PELI2: variants seen among roughly 807,000 people sequenced by gnomAD.
PELI2 encodes the protein E3 ubiquitin-protein ligase pellino homolog 2.
In PELI2, 23 loss-of-function variants were observed where a neutral mutation model predicts 42.3. The ratio of observed to expected loss-of-function variants is 0.54; its 90% CI spans 0.39 to 0.77. The LOEUF is 0.77. Ranked by LOEUF, PELI2 falls within the 30% of genes least tolerant of loss-of-function variation. The probability of loss-of-function intolerance (pLI) is 0.00; values close to 1 mark genes in which losing one functional copy is unlikely to be tolerated. For synonymous variants in PELI2, 245 were observed against 212.2 expected (o/e 1.15, Z -1.34); for missense variants, 463 against 553.2 (o/e 0.84, Z 1.64).
chr14:56,211,310 T>C (rs1052805237), intron 2 of PELI2, among the ~76,000 whole-genome samples: 23 of 152,198 alleles, frequency 1.5e-4, no homozygotes, highest in African/African-American at 5.5e-4. Flanking sequence ...AAGATGATTG[T>C]TTTCTTCTGG....
At chr14:56,253,361 C>G (rs1348726487) in intron 2 of PELI2, among the ~76,000 whole-genome samples, 1 of 152,064 alleles carries the variant, frequency 6.6e-6, no homozygotes, top group Non-Finnish European at 1.5e-5. Flanking sequence ...GGCAATCAGG[C>G]AAGATAAAGA....
At chr14:56,209,832 A>C (rs1886649634) in intron 2 of PELI2, among the ~76,000 whole-genome samples, 1 of 152,244 alleles carries the variant, frequency 6.6e-6, no homozygotes, top group South Asian at 2.1e-4. Flanking sequence ...GGCCCTCACT[A>C]ACTCTTAGGT....
At chr14:56,262,855 A>G (rs1888760884) in intron 2 of PELI2, among the ~76,000 whole-genome samples, 1 of 152,198 alleles carries the variant, frequency 6.6e-6, no homozygotes, top group Admixed American at 6.5e-5. Flanking sequence ...GCCAGAATGT[A>G]AAAGTTTTAA....
chr14:56,225,597 C>T (rs372446640), intron 2 of PELI2, among the ~76,000 whole-genome samples: 1 of 152,170 alleles, frequency 6.6e-6, no homozygotes, highest in South Asian at 2.1e-4. Context: ...TGGGGACACG[C>T]CAAGAGGGCT....
chr14:56,166,308 T>C (rs1237027356), intron 1 of PELI2, among the ~76,000 whole-genome samples: 1 of 152,226 alleles, frequency 6.6e-6, no homozygotes, highest in African/African-American at 2.4e-5. Context: ...TTTGTTGTTC[T>C]GTTTATGTCT....
chr14:56,201,571 C>T (rs1480840637), intron 2 of PELI2, among the ~76,000 whole-genome samples: 3 of 152,156 alleles, frequency 2.0e-5, no homozygotes, highest in Admixed American at 2.0e-4. Context: ...AAATATTTTT[C>T]CCTATATATT....
chr14:56,235,316 G>A (rs1887751067), intron 2 of PELI2, among the ~76,000 whole-genome samples: 1 of 152,164 alleles, frequency 6.6e-6, no homozygotes, highest in Non-Finnish European at 1.5e-5. Context: ...TAACTACAAT[G>A]TCAAGATATA....
intron 2 of PELI2, among the ~76,000 whole-genome samples, chr14:56,221,425 C>T (rs539388922): frequency 3.9e-5 from 6 of 152,310 alleles, no homozygotes; most frequent in Admixed American, 2.0e-4. Flanking sequence ...CATGGTTTTC[C>T]AACCCCCTGT....
chr14:56,214,200 A>C (rs1281526074), intron 2 of PELI2, among the ~76,000 whole-genome samples: 1 of 152,114 alleles, frequency 6.6e-6, no homozygotes, highest in East Asian at 1.9e-4. Context: ...TCCTAATGTC[A>C]CTACAGTATA....
intron 2 of PELI2, among the ~76,000 whole-genome samples, chr14:56,213,253 A>C (rs1368900589): frequency 6.6e-6 from 1 of 152,198 alleles, no homozygotes; most frequent in Non-Finnish European, 1.5e-5. Context: ...TTCTCCTCCA[A>C]CATGTGTGGA....
intron 1 of PELI2, among the ~76,000 whole-genome samples, chr14:56,164,004 G>T (rs1884862209): frequency 6.6e-6 from 1 of 152,044 alleles, no homozygotes; most frequent in Admixed American, 6.6e-5. Context: ...CTGCAAACAA[G>T]GATAATTTGA....
chr14:56,210,625 G>C (rs994785673), intron 2 of PELI2, among the ~76,000 whole-genome samples: 3 of 152,192 alleles, frequency 2.0e-5, no homozygotes, highest in Admixed American at 6.5e-5. Context: ...ATGAGACCCA[G>C]AAAATGCCCT....
chr14:56,170,206 T>A (rs1885116689), intron 1 of PELI2, among the ~76,000 whole-genome samples: 1 of 152,224 alleles, frequency 6.6e-6, no homozygotes, highest in Non-Finnish European at 1.5e-5. Context: ...AATGAAGAGC[T>A]GACCACCTCT....
chr14:56,238,917 A>G (rs1887884840), intron 2 of PELI2, among the ~76,000 whole-genome samples: 1 of 152,242 alleles, frequency 6.6e-6, no homozygotes, highest in Non-Finnish European at 1.5e-5. Flanking sequence ...TAGAAGAGTA[A>G]CAGGTAGGAA....
Position 56,299,018 on chromosome 14 carries a change from A to G in PELI2, c.*1852A>G, listed in dbSNP as rs974362157. ...TTTGATTTAGCCAGAGTCTCTGATG[A>G]TTAGCTTTCACTGATAGAGTATGTC... On this transcript the variant is annotated 3_prime_UTR_variant, in exon 6 of 6. Transcript: ENST00000267460. The G allele has an allele frequency of 9.2e-5, 14 of 152,144 alleles. No homozygotes were observed. The highest frequency in any genetic ancestry group is 3.4e-4 in the African/African-American group (14 of 41,386). 9.4% of individuals were successfully genotyped at this position (152,144 alleles called of 1,614,324 possible). A position where few individuals can be genotyped will look rare whatever the true frequency, so the allele number is the denominator to read the frequency against.
chr14:56,266,759 A>G (rs969894602), intron 2 of PELI2, among the ~76,000 whole-genome samples: 5 of 152,068 alleles, frequency 3.3e-5, no homozygotes, highest in Non-Finnish European at 7.4e-5. Flanking sequence ...TCCTATAGAT[A>G]TATTTCCCTG....
chr14:56,165,850 C>T (rs916681647), intron 1 of PELI2, among the ~76,000 whole-genome samples: 3 of 151,878 alleles, frequency 2.0e-5, no homozygotes, highest in Non-Finnish European at 4.4e-5. Flanking sequence ...TTTTTGGTTT[C>T]CATTGGCTGG....
intron 2 of PELI2, among the ~76,000 whole-genome samples, chr14:56,218,172 TC>T (rs918881549): frequency 2.0e-5 from 3 of 152,238 alleles, no homozygotes; most frequent in African/African-American, 7.2e-5. Flanking sequence ...TTTTGTCCCT[TC>T]CTTGGCCAGA....
intron 2 of PELI2, among the ~76,000 whole-genome samples, chr14:56,235,278 A>G (rs191165832): frequency 1.3e-5 from 2 of 152,344 alleles, no homozygotes; most frequent in African/African-American, 2.4e-5. Context: ...AGTAAATAAT[A>G]CAAAGGCCTA....
Sources: allele counts gnomAD v4.1 joint callset (sites outside exome capture counted in the v4.1 genomes callset), GRCh38; gene constraint gnomAD v4.1.1; transcripts MANE v1.5; gene names NCBI Gene and HGNC (gene_info 2026-07-23, HGNC 2026-07-21).